The following SORCS2 variants were observed in gnomAD, a reference collection of about 807,000 sequenced individuals.
SORCS2 encodes VPS10 domain-containing receptor SorCS2.
In SORCS2, 100 loss-of-function variants were observed where a neutral mutation model predicts 141.6. The observed-to-expected ratio is 0.71, with a 90% confidence interval of 0.60 to 0.83. The LOEUF (loss-of-function observed/expected upper bound fraction) is 0.83, where lower values mean the gene tolerates loss of function less well. Ranked by LOEUF, SORCS2 falls within the 40% of genes least tolerant of loss-of-function variation. SORCS2 has a pLI of 0.00. For missense variants in SORCS2, 1,646 were observed against 1,560.2 expected (o/e 1.05, Z -0.93); for synonymous variants, 789 against 676.9 (o/e 1.17, Z -2.57).
chr4:7,479,833 A>T (rs1257136921), intron 2 of SORCS2, among the ~76,000 whole-genome samples: 2 of 152,046 alleles, frequency 1.3e-5, no homozygotes, highest in Non-Finnish European at 1.5e-5. Flanking sequence ...TCACTCTCTG[A>T]CTCCCCATTT....
chr4:7,726,733 C>T (rs759696260), intron 20 of SORCS2, 47 bp from the exon 21 acceptor site: 34 of 1,597,940 alleles, frequency 2.1e-5, no homozygotes, highest in African/African-American at 8.0e-5. Flanking sequence ...CCCCCACGGC[C>T]GCTGCCTCAC....
intron 11 of SORCS2, among the ~76,000 whole-genome samples, chr4:7,695,484 GTGGATGGGTGGGTGGGTGA>G: frequency 7.3e-5 from 3 of 40,948 alleles, no homozygotes; most frequent in African/African-American, 9.7e-5. Flanking sequence ...GGATGGGTGA[GTGGATGGGTGGGTGGGTGA>G]GTGGATGGGT....
chr4:7,528,454 C>G (rs1370462097), intron 2 of SORCS2, among the ~76,000 whole-genome samples: 1 of 151,762 alleles, frequency 6.6e-6, no homozygotes, highest in Non-Finnish European at 1.5e-5. Context: ...TAGACGGAGT[C>G]TTGCTCTGTC....
intron 1 of SORCS2, among the ~76,000 whole-genome samples, chr4:7,277,945 G>A (rs1715613754): frequency 1.3e-5 from 2 of 152,176 alleles, no homozygotes; most frequent in Non-Finnish European, 2.9e-5. Flanking sequence ...TGGACATTGC[G>A]GTGTACAGGG....
intron 12 of SORCS2, 144 bp from the exon 13 acceptor site, chr4:7,703,136 T>G (rs1725187604): frequency 1.6e-6 from 1 of 616,212 alleles, no homozygotes; most frequent in Admixed American, 3.3e-5. Context: ...GCCCGGGACA[T>G]GCAGGGAACC....
intron 1 of SORCS2, among the ~76,000 whole-genome samples, chr4:7,313,666 T>A (rs1456460793): frequency 6.6e-6 from 1 of 152,164 alleles, no homozygotes; most frequent in Non-Finnish European, 1.5e-5. Flanking sequence ...CTTGTCTGTT[T>A]TGGATGGCCG....
rs774047366 is a variant in SORCS2 at position 7,728,423 on chromosome 4, G to A, written c.2943G>A (p.Arg981=). 5.0e-6 allele frequency: 8 copies of A among 1,613,512 alleles called. No individual in the cohort carries two copies. The highest frequency in any genetic ancestry group is 6.8e-6 in the Non-Finnish European group (8 of 1,179,818). Residue 981 remains arginine, a synonymous_variant, in exon 22 of 27, where the codon AGG becomes AGA. Transcript: ENST00000507866. ...DAYNPNTPEW[R]EDVGLVVTRL... is the part of the protein sequence containing the mutation. ...ACAACCCCAACACCCCTGAGTGGAGGGAAGACGTGGGCCTGGTGGTCACCC... is the reference window on the plus strand; with the variant it reads ...ACAACCCCAACACCCCTGAGTGGAGAGAAGACGTGGGCCTGGTGGTCACCC...
intron 3 of SORCS2, among the ~76,000 whole-genome samples, chr4:7,601,921 C>T (rs957243876): frequency 5.3e-5 from 8 of 152,208 alleles, no homozygotes; most frequent in African/African-American, 1.9e-4. Context: ...GCACATCTTG[C>T]ACCGCCCTTA....
chr4:7,443,399 C>T (rs541070560), intron 2 of SORCS2, among the ~76,000 whole-genome samples: 56 of 152,308 alleles, frequency 3.7e-4, no homozygotes, highest in African/African-American at 1.2e-3. Flanking sequence ...CTGGCTGCTG[C>T]CTCTAAAGCC....
chr4:7,387,621 A>G (rs1408793761), intron 1 of SORCS2, among the ~76,000 whole-genome samples: 2 of 146,490 alleles, frequency 1.4e-5, no homozygotes, highest in Non-Finnish European at 3.0e-5. Flanking sequence ...ACACACATAC[A>G]CATTTGCACA....
At chr4:7,467,527 G>A (rs1729693391) in intron 2 of SORCS2, among the ~76,000 whole-genome samples, 2 of 152,234 alleles carry the variant, frequency 1.3e-5, no homozygotes, top group African/African-American at 4.8e-5. Flanking sequence ...GGGCAGCTGG[G>A]CTGGAGCCAC....
At chr4:7,628,151 G>A (rs1375067252) in intron 3 of SORCS2, among the ~76,000 whole-genome samples, 14 of 152,224 alleles carry the variant, frequency 9.2e-5, no homozygotes, top group African/African-American at 2.9e-4. Context: ...TGGGCTTCAG[G>A]TGGGGCTTAG....
At position 7,447,317 on chromosome 4, in the gene SORCS2, G is replaced by T. The variant is rs568496640; in HGVS notation, c.548+50962G>T. On this transcript the variant is annotated intron_variant, in intron 2 of 26. Transcript: ENST00000507866. ...CCTGTGTGAGCTGACTTCTGCCTCC[G>T]TGCCTTGCCTTGTGTGTAAAGAGAG... 1.3e-3 allele frequency among the ~76,000 whole-genome samples: 198 copies of T among 152,264 alleles called. 1 individual carries two copies. Among genetic ancestry groups the T allele is most frequent in the Middle Eastern group, 6.8e-3 (2 of 294 alleles).
rs971416096 is a variant in SORCS2 at position 7,715,168 on chromosome 4, C to T, written c.2124-15C>T. The T allele has an allele frequency of 1.2e-6, 2 of 1,612,628 alleles. No individual in the cohort carries two copies. Among genetic ancestry groups the T allele is most frequent in the Non-Finnish European group, 1.7e-6 (2 of 1,179,040 alleles). On this transcript the variant is annotated splice_polypyrimidine_tract_variant and intron_variant, in intron 16 of 26. Coordinates refer to ENST00000507866, the MANE Select transcript of SORCS2 (RefSeq NM_020777.3). ...CCTGTGCCCGTCACTTACCACTACT[C>T]TTCCCTCCTCCCAGCGACTACGGAT...
intron 8 of SORCS2, 100 bp downstream of exon 8, chr4:7,667,313 G>A: frequency 9.2e-7 from 1 of 1,085,002 alleles, no homozygotes; most frequent in South Asian, 1.4e-5. Context: ...GGCGGTCCCA[G>A]GTCAGGATGG....
At chr4:7,684,746 G>A (rs535127068) in intron 10 of SORCS2, among the ~76,000 whole-genome samples, 277 of 105,732 alleles carry the variant, frequency 2.6e-3, no homozygotes, top group African/African-American at 0.011. Context: ...CAGCAAAACA[G>A]AAGACAATTC....
intron 3 of SORCS2, among the ~76,000 whole-genome samples, chr4:7,558,369 C>A (rs541980751): frequency 6.6e-6 from 1 of 152,070 alleles, no homozygotes; most frequent in East Asian, 1.9e-4. Context: ...GTTGTGACAA[C>A]CAAAAATGTA....
chr4:7,374,982 T>G lies in SORCS2; in HGVS notation c.481-21306T>G, dbSNP rs150615159. Among the ~76,000 whole-genome samples, 4 of 152,274 alleles carry G rather than the reference T, an allele frequency of 2.6e-5. No homozygotes were observed. The East Asian group carries it at 7.7e-4, about 29-fold the overall frequency. ...GGATTTTGTTTCAGGCAAATTGACA[T>G]TTGTATCCTCAGAGGGCAATGTCTG... On this transcript the variant is annotated intron_variant, in intron 1 of 26. Coordinates refer to ENST00000507866, the MANE Select transcript of SORCS2 (RefSeq NM_020777.3).
At chr4:7,568,744 C>G (rs557383877) in intron 3 of SORCS2, among the ~76,000 whole-genome samples, 1 of 152,214 alleles carries the variant, frequency 6.6e-6, no homozygotes, top group Non-Finnish European at 1.5e-5. Context: ...GGCTAGGATG[C>G]TCAACCCACA....
Sources: gnomAD v4.1 joint callset for allele counts (sites outside exome capture counted in the v4.1 genomes callset) on GRCh38, gnomAD v4.1.1 for gene constraint, MANE v1.5 for transcripts, NCBI Gene and HGNC (gene_info 2026-07-23, HGNC 2026-07-21) for gene names.